The following SAMD14 variants were observed in gnomAD, a reference collection of about 807,000 sequenced individuals.
SAMD14 encodes the protein sterile alpha motif domain containing 14, also known as sterile alpha motif domain-containing protein 14.
SAMD14 carries 27 observed loss-of-function variants against 46.2 expected under a neutral mutation model. That is an observed-to-expected ratio of 0.58 (90% CI 0.43 to 0.81). The LOEUF (loss-of-function observed/expected upper bound fraction) is 0.81. Among genes scored for constraint, SAMD14 ranks in the 30% least tolerant of loss-of-function variants. SAMD14 has a pLI of 0.00. For synonymous variants in SAMD14, 241 were observed against 254.3 expected (o/e 0.95, Z 0.50); for missense variants, 559 against 582.2 (o/e 0.96, Z 0.41).
rs532487067 is a variant in SAMD14, at chr17:50,124,235, T to C, written c.43+682A>G. The C allele has an allele frequency of 4.2e-4, 192 of 454,450 alleles. 1 individual carries two copies. The highest frequency in any genetic ancestry group is 3.4e-3 in the African/African-American group (170 of 50,092). 28.2% of individuals were successfully genotyped at this position (454,450 alleles called of 1,614,324 possible). A position where few individuals can be genotyped will look rare whatever the true frequency, so the allele number is the denominator to read the frequency against. On this transcript the variant is annotated intron_variant, in intron 2 of 9. Coordinates refer to ENST00000330175, the MANE Select transcript of SAMD14 (RefSeq NM_001257359.2). ...TTTCTCCAGTCCACACAAGAGAAGATTGCAGGGGGTAAATGATGGTACCGT... is the reference window on the plus strand; with the variant it reads ...TTTCTCCAGTCCACACAAGAGAAGACTGCAGGGGGTAAATGATGGTACCGT...
Position 50,124,892 on chromosome 17 carries a change from A to G in SAMD14, c.43+25T>C, listed in dbSNP as rs752430912. 6 of 1,611,044 alleles carry G rather than the reference A, an allele frequency of 3.7e-6. No homozygotes were observed. The African/African-American group carries it at 6.7e-5, about 18-fold the overall frequency. ...TACTCTATGGCTGTGTCTATTGGCTAGAGATAGAGCCACACAGAACTTACC... is the reference window on the plus strand; with the variant it reads ...TACTCTATGGCTGTGTCTATTGGCTGGAGATAGAGCCACACAGAACTTACC... On this transcript the variant is annotated intron_variant, in intron 2 of 9. Coordinates refer to ENST00000330175, the MANE Select transcript of SAMD14 (RefSeq NM_001257359.2).
In SAMD14 at chr17:50,110,124, G is replaced by A. The variant is rs999781277; in HGVS notation, c.*2769C>T. 9.6e-6 allele frequency: 15 copies of A among 1,564,694 alleles called. No homozygotes were observed. The East Asian group carries it at 2.1e-4, about 22-fold the overall frequency. ...GGCCGCCGTGCATCTGCACCTGAGA[G>A]GACGGACTGCCGCCTCTGGGTCCCC... On this transcript the variant is annotated 3_prime_UTR_variant, in exon 10 of 10. Transcript: ENST00000330175.
At chr17:50,116,525 C>T (rs1911216630) in intron 4 of SAMD14, among the ~76,000 whole-genome samples, 1 of 151,652 alleles carries the variant, frequency 6.6e-6, no homozygotes, top group Non-Finnish European at 1.5e-5. Flanking sequence ...CCTGCCTCAG[C>T]CTCCTGAGTA....
chr17:50,124,029 G>A, intron 2 of SAMD14: 1 of 453,602 alleles, frequency 2.2e-6, no homozygotes, highest in Non-Finnish European at 4.4e-6. Flanking sequence ...GAGAGATGAG[G>A]AGAAGCTGGG....
Position 50,114,411 on chromosome 17 carries a change from T to A in SAMD14, c.823-105A>T, listed in dbSNP as rs771533384. 3 of 1,613,720 alleles carry A rather than the reference T, an allele frequency of 1.9e-6. No homozygotes were observed. The South Asian group carries it at 3.3e-5, about 18-fold the overall frequency. ...GGACTAGGCACCAGGAGTTGCTCAGTGCCTCCTGTGCATGAGCCAGGAGCT... is the reference window on the plus strand; with the variant it reads ...GGACTAGGCACCAGGAGTTGCTCAGAGCCTCCTGTGCATGAGCCAGGAGCT... On this transcript the variant is annotated intron_variant, in intron 7 of 9. Coordinates refer to ENST00000330175, the MANE Select transcript of SAMD14 (RefSeq NM_001257359.2).
rs1173637272 is a variant in SAMD14, at chr17:50,115,559, CT to C, written c.822+4del. 2 of 1,529,954 alleles carry C rather than the reference CT, an allele frequency of 1.3e-6. 1 individual carries two copies. Among genetic ancestry groups the C allele is most frequent in the East Asian group, 4.5e-5 (2 of 43,974 alleles). 94.8% of individuals were successfully genotyped at this position (1,529,954 alleles called of 1,614,324 possible). A position where few individuals can be genotyped will look rare whatever the true frequency, so the allele number is the denominator to read the frequency against. ...AGTTTGGGGACAAGAAAGGCATGGA[CT>C]TACCTGGGAAGCTGACTTCTTAGGG... On this transcript the variant is annotated splice_donor_region_variant and intron_variant, in intron 7 of 9. Coordinates refer to ENST00000330175, the MANE Select transcript of SAMD14 (RefSeq NM_001257359.2). The surrounding 1 kb of genome is among the most constrained non-coding windows in gnomAD (Gnocchi z 5.3).
At chr17:50,128,484 A>T (rs12452353) in intron 1 of SAMD14, among the ~76,000 whole-genome samples, 8,323 of 70,614 alleles carry the variant, frequency 0.12, 424 homozygotes, top group East Asian at 0.24. Context: ...ACACTCTCTC[A>T]CACACACACA....
chr17:50,130,116 G>C lies in SAMD14; in HGVS notation c.-612C>G, dbSNP rs977362789. 6.6e-6 allele frequency among the ~76,000 whole-genome samples: 1 copy of C among 152,038 alleles called. No individual in the cohort carries two copies. Among genetic ancestry groups the C allele is most frequent in the Non-Finnish European group, 1.5e-5 (1 of 67,966 alleles). On this transcript the variant is annotated 5_prime_UTR_variant, in exon 1 of 10. Transcript: ENST00000330175. The surrounding 1 kb of genome is among the most constrained non-coding windows in gnomAD (Gnocchi z 4.1). The stretch of plus-strand genomic sequence containing the variant: ...GCGGGGAGGAGGCGGCTGGGGCCGG[G>C]GAGCGGAGTTGCAGCTACTTCTCTG...
rs1373486874 is a variant in SAMD14, at chr17:50,114,039, C to A, written c.983G>T (p.Ser328Ile). ...EPLPPVHHWT[S>I]QQVGQWLQSL... ...CTGCAGCCACTGGCCCACCTGCTGG[C>A]TGGTCCAGTGGTGGACAGGGGGGAG... The change falls in exon 9 of 10, where the codon AGC becomes ATC. Residue 328 changes from serine to isoleucine, a missense_variant. Coordinates refer to ENST00000330175, the MANE Select transcript of SAMD14 (RefSeq NM_001257359.2). 1.2e-6 allele frequency: 2 copies of A among 1,613,594 alleles called. No individual in the cohort carries two copies. The highest frequency in any genetic ancestry group is 2.7e-5 in the African/African-American group (2 of 74,914).
At position 50,112,804 on chromosome 17, in the gene SAMD14, C is replaced by A; in HGVS notation, c.*89G>T. 6.9e-7 allele frequency: 1 copy of A among 1,452,596 alleles called. No individual in the cohort carries two copies. The highest frequency in any genetic ancestry group is 1.3e-5 in the South Asian group (1 of 76,728). The allele number at this position is 1,452,596 out of a possible 1,614,324, so 90.0% of individuals were successfully genotyped here. A position where few individuals can be genotyped will look rare whatever the true frequency, so the allele number is the denominator to read the frequency against. On this transcript the variant is annotated 3_prime_UTR_variant, in exon 10 of 10. Transcript: ENST00000330175. ...GCGTGGGACCAGGCTAGCCCAAGTG[C>A]AGCGCCCAGGTCCAGCCTCCCTGGT...
chr17:50,123,653 C>G (rs73332651), intron 2 of SAMD14: 1 of 174,060 alleles, frequency 5.7e-6, no homozygotes, highest in East Asian at 1.5e-4. Flanking sequence ...TCCCTCTTCT[C>G]TGTTCCTGCC....
rs114170272 is a variant in SAMD14, at chr17:50,114,393, G to A, written c.823-87C>T. On this transcript the variant is annotated intron_variant, in intron 7 of 9. Transcript: ENST00000330175. ...GGGTGGAGCCGAAGTCCTGGACTAG[G>A]CACCAGGAGTTGCTCAGTGCCTCCT... The A allele has an allele frequency of 9.7e-5, 157 of 1,614,000 alleles. No homozygotes were observed. The African/African-American group carries it at 1.9e-3, about 19-fold the overall frequency.
rs1910909287 is a variant in SAMD14 at position 50,112,531 on chromosome 17, A to G, written c.*362T>C. ...AGGCAAGCAGGCAGGCAGGCCTCCT[A>G]GCTCCCCTCCACCCCAGCCCCACGA... On this transcript the variant is annotated 3_prime_UTR_variant, in exon 10 of 10. Transcript: ENST00000330175. The G allele has an allele frequency of 5.8e-6, 1 of 173,310 alleles. No individual in the cohort carries two copies. Among genetic ancestry groups the G allele is most frequent in the Non-Finnish European group, 1.2e-5 (1 of 82,192 alleles). 10.7% of individuals were successfully genotyped at this position (173,310 alleles called of 1,614,324 possible). A position where few individuals can be genotyped will look rare whatever the true frequency, so the allele number is the denominator to read the frequency against.
In SAMD14 at chr17:50,115,617, G is replaced by T; in HGVS notation, c.769C>A (p.Pro257Thr). The T allele has an allele frequency of 6.2e-7, 1 of 1,600,364 alleles. No individual in the cohort carries two copies. Among genetic ancestry groups the T allele is most frequent in the Non-Finnish European group, 8.5e-7 (1 of 1,171,634 alleles). ...GSASSGSTTSPTCSPKHEGFS... is the reference protein window; with the variant it reads ...GSASSGSTTSTTCSPKHEGFS... ...CCCTCGTGTTTAGGGGAGCAGGTGG[G>T]GGAGGTGGTGCTACCCGAGGATGCT... The change falls in exon 7 of 10, where the codon CCC (proline) becomes ACC (threonine). Residue 257 changes from proline to threonine, a missense_variant. Coordinates refer to ENST00000330175, the MANE Select transcript of SAMD14 (RefSeq NM_001257359.2). The surrounding 1 kb of genome is among the most constrained non-coding windows in gnomAD (Gnocchi z 5.3).
At chr17:50,119,023 G>C (rs1257252475) in intron 2 of SAMD14, among the ~76,000 whole-genome samples, 1 of 152,226 alleles carries the variant, frequency 6.6e-6, no homozygotes, top group Non-Finnish European at 1.5e-5. Flanking sequence ...CTGGCTTGCT[G>C]TGCCACGCGC....
Position 50,118,253 on chromosome 17 carries a change from T to C in SAMD14, c.118A>G (p.Lys40Glu). ...LHKARAQLLA[K>E]GRRHRPSRSR... ...CGGGATGGCCGGTGTCTCCGGCCCT[T>C]GGCCAACAGTTGGGCCCGGGCCTTG... The change falls in exon 3 of 10, where the codon AAG becomes GAG. Residue 40 changes from lysine (K) to glutamate (E), a missense_variant. Coordinates refer to ENST00000330175, the MANE Select transcript of SAMD14 (RefSeq NM_001257359.2). 6.2e-7 allele frequency: 1 copy of C among 1,613,966 alleles called. No individual in the cohort carries two copies. The highest frequency in any genetic ancestry group is 1.1e-5 in the South Asian group (1 of 91,060).
intron 7 of SAMD14, 141 bp from the exon 8 acceptor site, chr17:50,114,447 A>G (rs750382238): frequency 6.2e-7 from 1 of 1,612,216 alleles, no homozygotes; most frequent in Non-Finnish European, 8.5e-7. Flanking sequence ...GGGCCTGCAC[A>G]CAGGACATGA....
chr17:50,124,321 G>A (rs1210877511), intron 2 of SAMD14, among the ~76,000 whole-genome samples: 1 of 152,124 alleles, frequency 6.6e-6, no homozygotes, highest in East Asian at 1.9e-4. Context: ...GCATGAGGGG[G>A]CCAGCCTGGG....
chr17:50,114,443 G>T lies in SAMD14; in HGVS notation c.823-137C>A, dbSNP rs202103181. 2.5e-4 allele frequency: 406 copies of T among 1,612,384 alleles called. No individual in the cohort carries two copies. Among genetic ancestry groups the T allele is most frequent in the Non-Finnish European group, 3.3e-4 (391 of 1,179,416 alleles). On this transcript the variant is annotated intron_variant, in intron 7 of 9. Coordinates refer to ENST00000330175, the MANE Select transcript of SAMD14 (RefSeq NM_001257359.2). The stretch of plus-strand genomic sequence containing the variant: ...TGTGCATGAGCCAGGAGCTGGGCCT[G>T]CACACAGGACATGATAACTCATGTC...
Sources: allele counts gnomAD v4.1 joint callset (sites outside exome capture counted in the v4.1 genomes callset), GRCh38; gene constraint gnomAD v4.1.1; non-coding constraint Gnocchi (gnomAD v3.1); transcripts MANE v1.5; gene names NCBI Gene and HGNC (gene_info 2026-07-23, HGNC 2026-07-21).